Variants in SFSWAP observed in about 807,000 individuals in gnomAD.
The protein encoded by SFSWAP is splicing factor, suppressor of white-apricot homolog.
A neutral mutation model predicts 100.7 loss-of-function variants in SFSWAP; 17 were observed. The observed-to-expected ratio is 0.17, with a 90% CI of 0.12 to 0.25. The LOEUF (loss-of-function observed/expected upper bound fraction) is 0.25, where lower values mean the gene tolerates loss of function less well. Among genes scored for constraint, SFSWAP ranks in the 10% least tolerant of loss-of-function variants. SFSWAP has a pLI of 1.00. For missense variants in SFSWAP, 1,005 were observed against 1,262.6 expected, an observed-to-expected ratio of 0.80 and a Z score of 3.09; for synonymous variants, 504 against 510.1, an observed-to-expected ratio of 0.99 and a Z score of 0.16.
In SFSWAP at chr12:131,728,408, A is replaced by T; in HGVS notation, c.1061A>T (p.Gln354Leu). Residue 354 changes from glutamine to leucine, a missense_variant, in exon 7 of 18, where the codon CAG becomes CTG. Physicochemically the swap from Gln to Leu is moderately radical, Grantham distance 113 (BLOSUM62 -2). This residue lies in a region of SFSWAP where 311 missense variants were observed against 317.8 expected (regional missense o/e 0.98). Transcript: ENST00000261674. ...GACGGTGCGCCTGTGCAGCCCTCCC[A>T]GGTGGAGTACACGGCAGACTGTGAG... ...NADGAPVQPS[Q>L]VEYTADSTVA... 6.2e-7 allele frequency: 1 copy of T among 1,614,196 alleles called. No individual in the cohort carries two copies. Among genetic ancestry groups the T allele is most frequent in the Non-Finnish European group, 8.5e-7 (1 of 1,180,034 alleles).
At chr12:131,785,373 C>A in intron 14 of SFSWAP, 1 of 634,916 alleles carries the variant, frequency 1.6e-6, no homozygotes, top group Non-Finnish European at 2.6e-6. Flanking sequence ...AGCTGATCTG[C>A]AGAAGCACAG....
chr12:131,779,622 A>T (rs1339972510), intron 14 of SFSWAP, among the ~76,000 whole-genome samples: 1 of 152,156 alleles, frequency 6.6e-6, no homozygotes, highest in African/African-American at 2.4e-5. Context: ...GACTGTGCTC[A>T]TCTAGTTTTT....
At chr12:131,762,694 G>A (rs896526685) in intron 11 of SFSWAP, among the ~76,000 whole-genome samples, 3 of 151,858 alleles carry the variant, frequency 2.0e-5, no homozygotes, top group African/African-American at 4.8e-5. Flanking sequence ...TCTGCCTCCC[G>A]GGTTCAAGTG....
intron 7 of SFSWAP, among the ~76,000 whole-genome samples, chr12:131,747,603 A>T (rs564612359): frequency 1.3e-5 from 2 of 152,200 alleles, no homozygotes; most frequent in South Asian, 4.1e-4. Flanking sequence ...AGCAGCCAAG[A>T]GGCTGTACAC....
chr12:131,754,472 C>T lies in SFSWAP; in HGVS notation c.1427C>T (p.Thr476Ile), dbSNP rs145103867. The change falls in exon 9 of 18, where the codon ACC (threonine) becomes ATC (isoleucine). Residue 476 changes from threonine to isoleucine, a missense_variant. Transcript: ENST00000261674. Reference sequence around the variant, plus strand: ...GCCAGGAACGGCCTGAAGTTCGAGACCAGTGTTCGTGCCAAGAATGATCAA... The same window carrying T: ...GCCAGGAACGGCCTGAAGTTCGAGATCAGTGTTCGTGCCAAGAATGATCAA... ...YVARNGLKFE[T>I]SVRAKNDQRF... 17 of 1,601,088 alleles carry T rather than the reference C, an allele frequency of 1.1e-5. No individual in the cohort carries two copies. Among genetic ancestry groups the T allele is most frequent in the Middle Eastern group, 1.7e-4 (1 of 6,024 alleles).
At chr12:131,754,570 T>C in intron 9 of SFSWAP, 71 bp downstream of exon 9, 1 of 1,155,386 alleles carries the variant, frequency 8.7e-7, no homozygotes, top group Admixed American at 3.0e-5. Flanking sequence ...TTTAAAAAAA[T>C]GTAGGTACAG....
chr12:131,758,009 C>CA (rs1459147694), intron 11 of SFSWAP: 2 of 152,892 alleles, frequency 1.3e-5, no homozygotes. Context: ...AGTCGACTGT[C>CA]AGCCACAGAG....
chr12:131,752,973 G>A, intron 7 of SFSWAP, 150 bp from the exon 8 acceptor site: 15 of 1,202,018 alleles, frequency 1.2e-5, no homozygotes, highest in Non-Finnish European at 1.8e-5. Context: ...ACAACTTTTT[G>A]TATCAGAAAA....
chr12:131,774,266 TTC>T (rs1883840019), intron 13 of SFSWAP, among the ~76,000 whole-genome samples: 1 of 152,224 alleles, frequency 6.6e-6, no homozygotes, highest in African/African-American at 2.4e-5. Context: ...TGTAGTGTCC[TTC>T]ACAAATAAGA....
chr12:131,716,909 A>C (rs1422055978), intron 3 of SFSWAP, among the ~76,000 whole-genome samples: 1 of 152,182 alleles, frequency 6.6e-6, no homozygotes, highest in Non-Finnish European at 1.5e-5. Flanking sequence ...TTATCATCTG[A>C]GTATTAGTTT....
chr12:131,711,156 G>A lies in SFSWAP; in HGVS notation c.-74G>A, dbSNP rs1485677153. 3.6e-5 allele frequency: 44 copies of A among 1,233,424 alleles called. No homozygotes were observed. Among genetic ancestry groups the A allele is most frequent in the Non-Finnish European group, 4.5e-5 (40 of 898,216 alleles). The allele number at this position is 1,233,424 out of a possible 1,614,324, so 76.4% of individuals were successfully genotyped here. ...GGGATGCGGGGTCTTTGACTGAAGG[G>A]GTAGGCCAAGTGGAGGTATCAGGGA... On this transcript the variant is annotated 5_prime_UTR_variant, in exon 1 of 18. Transcript: ENST00000261674. This position sits in a 1 kb window ranked among gnomAD's most constrained non-coding sequence, Gnocchi z 4.9.
intron 4 of SFSWAP, among the ~76,000 whole-genome samples, chr12:131,720,757 C>T (rs983570034): frequency 6.6e-6 from 1 of 152,216 alleles, no homozygotes; most frequent in Non-Finnish European, 1.5e-5. Context: ...CTTTTAATTC[C>T]TGCCTCCAAC....
At chr12:131,720,393 T>C (rs1327934120) in intron 4 of SFSWAP, among the ~76,000 whole-genome samples, 1 of 152,250 alleles carries the variant, frequency 6.6e-6, no homozygotes, top group Non-Finnish European at 1.5e-5. Context: ...TGATGCCATC[T>C]TCAGTCACCG....
chr12:131,735,704 C>T (rs922865963), intron 7 of SFSWAP, among the ~76,000 whole-genome samples: 3 of 152,192 alleles, frequency 2.0e-5, no homozygotes, highest in Non-Finnish European at 4.4e-5. Flanking sequence ...CTGCACGCAG[C>T]GAGCAGAGCC....
chr12:131,793,613 C>T (rs752100410), intron 15 of SFSWAP, among the ~76,000 whole-genome samples: 3 of 152,098 alleles, frequency 2.0e-5, no homozygotes, highest in Non-Finnish European at 2.9e-5. Flanking sequence ...ACCAATTAGA[C>T]TTCATTGAAG....
At position 131,799,463 on chromosome 12, in the gene SFSWAP, A is replaced by G; in HGVS notation, c.2831A>G (p.Lys944Arg). The G allele has an allele frequency of 1.2e-6, 2 of 1,614,086 alleles. No homozygotes were observed. Among genetic ancestry groups the G allele is most frequent in the Non-Finnish European group, 1.7e-6 (2 of 1,179,974 alleles). The change falls in exon 18 of 18, where the codon AAA becomes AGA. Residue 944 changes from lysine (K) to arginine (R), a missense_variant. Coordinates refer to ENST00000261674, the MANE Select transcript of SFSWAP (RefSeq NM_004592.4). The stretch of plus-strand genomic sequence containing the variant: ...GTCAGAGCGATGCTTGCAGCTTCCA[A>G]AAACCTGCAAACCAGCGCTTCCTGA... The part of the protein sequence containing the change: ...AKVRAMLAAS[K>R]NLQTSAS
chr12:131,739,196 A>G (rs1382259396), intron 7 of SFSWAP, among the ~76,000 whole-genome samples: 1 of 151,954 alleles, frequency 6.6e-6, no homozygotes, highest in East Asian at 1.9e-4. Flanking sequence ...ATTACTTTTA[A>G]GCACTAATGT....
At chr12:131,715,626 A>C (rs370910520) in intron 3 of SFSWAP, among the ~76,000 whole-genome samples, 3 of 152,374 alleles carry the variant, frequency 2.0e-5, no homozygotes, top group African/African-American at 4.8e-5. Flanking sequence ...ACAGCGCTGC[A>C]TCATGGTCAG....
intron 7 of SFSWAP, among the ~76,000 whole-genome samples, chr12:131,743,335 A>C (rs1452825201): frequency 6.6e-6 from 1 of 152,226 alleles, no homozygotes; most frequent in Non-Finnish European, 1.5e-5. Context: ...ATCAAAAGCA[A>C]GTTAGTTGTT....
Sources: allele counts gnomAD v4.1 joint callset (sites outside exome capture counted in the v4.1 genomes callset), GRCh38; gene constraint gnomAD v4.1.1; regional missense constraint gnomAD v4.1.1; non-coding constraint Gnocchi (gnomAD v3.1); transcripts MANE v1.5; gene names NCBI Gene and HGNC (gene_info 2026-07-23, HGNC 2026-07-21).